RORA: variants seen among roughly 807,000 people sequenced by gnomAD.
RORA encodes the protein nuclear receptor ROR-alpha.
In RORA, 7 loss-of-function variants were observed where a neutral mutation model predicts 69.5. The observed-to-expected ratio is 0.10, with a 90% CI of 0.06 to 0.19. The LOEUF is 0.19. RORA is among the 10% of genes least tolerant of loss of function. The pLI, the probability that RORA is intolerant of heterozygous loss-of-function variation, is 1.00. For synonymous variants in RORA, 261 were observed against 240.8 expected, an observed-to-expected ratio of 1.08 and a Z score of -0.78; for missense variants, 457 against 663.0, an observed-to-expected ratio of 0.69 and a Z score of 3.41.
intron 1 of RORA, among the ~76,000 whole-genome samples, chr15:60,980,203 A>G (rs2140359602): frequency 6.6e-6 from 1 of 152,308 alleles, no homozygotes; most frequent in South Asian, 2.1e-4. Flanking sequence ...CATATGTTGA[A>G]CAAACTTTGC....
intron 2 of RORA, chr15:60,592,678 GCGCCC>G (rs1398962248): frequency 2.8e-6 from 3 of 1,072,100 alleles, no homozygotes; most frequent in Non-Finnish European, 3.4e-6. Context: ...CCCCAGCGCC[GCGCCC>G]CGCCCCGCCC....
At chr15:60,871,692 A>C (rs551300583) in intron 1 of RORA, among the ~76,000 whole-genome samples, 24 of 152,360 alleles carry the variant, frequency 1.6e-4, no homozygotes, top group Non-Finnish European at 2.9e-5. Flanking sequence ...CAGTCTAGCC[A>C]GTTCAAAGCC....
At chr15:60,862,048 C>T (rs1247803573) in intron 1 of RORA, among the ~76,000 whole-genome samples, 1 of 152,204 alleles carries the variant, frequency 6.6e-6, no homozygotes, top group Middle Eastern at 3.2e-3. Flanking sequence ...ATGGCTCCTG[C>T]CCATGAATAT....
At chr15:60,938,731 T>A (rs1170184052) in intron 1 of RORA, among the ~76,000 whole-genome samples, 1 of 74,708 alleles carries the variant, frequency 1.3e-5, no homozygotes, top group African/African-American at 7.2e-5. Flanking sequence ...TGAGACCTCA[T>A]CTAAAAAAAA....
intron 1 of RORA, among the ~76,000 whole-genome samples, chr15:60,886,074 C>G (rs556368767): frequency 6.6e-6 from 1 of 152,266 alleles, no homozygotes; most frequent in Admixed American, 6.5e-5. Context: ...AGACCTTCAG[C>G]AAATAGAGGG....
chr15:61,179,619 G>C (rs2079663335), intron 1 of RORA, among the ~76,000 whole-genome samples: 1 of 151,954 alleles, frequency 6.6e-6, no homozygotes, highest in South Asian at 2.1e-4. Flanking sequence ...GAGTATAAAG[G>C]GGTCACGAGA....
intron 1 of RORA, among the ~76,000 whole-genome samples, chr15:60,689,938 G>A (rs973137199): frequency 1.3e-5 from 2 of 152,156 alleles, no homozygotes; most frequent in Non-Finnish European, 2.9e-5. Flanking sequence ...ATCCAGAACT[G>A]TGAGAGAACA....
At chr15:61,114,831 C>A (rs1347357404) in intron 1 of RORA, among the ~76,000 whole-genome samples, 1 of 152,210 alleles carries the variant, frequency 6.6e-6, no homozygotes, top group East Asian at 1.9e-4. Context: ...GTCAGGACAA[C>A]CCCCAGGGCC....
chr15:60,748,769 A>G (rs1379350797), intron 1 of RORA, among the ~76,000 whole-genome samples: 3 of 152,168 alleles, frequency 2.0e-5, no homozygotes, highest in Admixed American at 6.6e-5. Context: ...CATGGCATTG[A>G]TAACGGGAAG....
At chr15:60,840,322 A>T (rs1280466780) in intron 1 of RORA, among the ~76,000 whole-genome samples, 1 of 152,242 alleles carries the variant, frequency 6.6e-6, no homozygotes, top group Non-Finnish European at 1.5e-5. Context: ...CCTGCCCCAG[A>T]GGGCTCTGAC....
intron 2 of RORA, among the ~76,000 whole-genome samples, chr15:60,657,406 A>G (rs748475224): frequency 1.2e-4 from 19 of 152,136 alleles, no homozygotes; most frequent in Non-Finnish European, 2.4e-4. Flanking sequence ...GCTCTGGACA[A>G]TGGGACAAAC....
At chr15:60,627,538 A>G (rs2069623862) in intron 2 of RORA, 1 of 1,411,910 alleles carries the variant, frequency 7.1e-7, no homozygotes, top group South Asian at 1.7e-5. Context: ...ATCTGCTGCC[A>G]TGGGCAGTGG....
intron 1 of RORA, among the ~76,000 whole-genome samples, chr15:60,866,571 CTG>C (rs1401584815): frequency 2.0e-5 from 3 of 152,166 alleles, no homozygotes; most frequent in African/African-American, 7.2e-5. Flanking sequence ...GAGGAACAAA[CTG>C]TGTGATTGGG....
chr15:60,697,582 A>G (rs1218085570), intron 1 of RORA, among the ~76,000 whole-genome samples: 1 of 151,266 alleles, frequency 6.6e-6, no homozygotes, highest in Non-Finnish European at 1.5e-5. Flanking sequence ...TTTTTTTCCA[A>G]ACACTGGAAA....
At chr15:60,656,778 A>G (rs2140708792) in intron 2 of RORA, among the ~76,000 whole-genome samples, 1 of 152,322 alleles carries the variant, frequency 6.6e-6, no homozygotes, top group South Asian at 2.1e-4. Flanking sequence ...TTAAAAAGGA[A>G]GGAAAAGTAA....
intron 1 of RORA, among the ~76,000 whole-genome samples, chr15:61,170,692 G>C (rs1218965776): frequency 1.3e-5 from 2 of 152,198 alleles, no homozygotes; most frequent in African/African-American, 2.4e-5. Context: ...CACATTGTAA[G>C]TGCTCCAAAT....
intron 1 of RORA, among the ~76,000 whole-genome samples, chr15:61,208,420 C>T (rs1367766000): frequency 6.6e-6 from 1 of 152,134 alleles, no homozygotes; most frequent in African/African-American, 2.4e-5. Context: ...GGAGTAACAG[C>T]AAACGGGCAT....
intron 1 of RORA, among the ~76,000 whole-genome samples, chr15:60,958,423 T>G (rs1893329695): frequency 2.0e-5 from 3 of 151,916 alleles, no homozygotes; most frequent in Admixed American, 2.0e-4. Context: ...TGCCTAGAGG[T>G]GGAGAGGAAA....
chr15:60,678,913 A>G (rs922369664), intron 1 of RORA, among the ~76,000 whole-genome samples: 1 of 152,200 alleles, frequency 6.6e-6, no homozygotes, highest in Non-Finnish European at 1.5e-5. Flanking sequence ...GTTCTGTGGT[A>G]AAAGTGGGGA....
Sources: gnomAD v4.1 joint callset for allele counts (sites outside exome capture counted in the v4.1 genomes callset) on GRCh38, gnomAD v4.1.1 for gene constraint, MANE v1.5 for transcripts, NCBI Gene and HGNC (gene_info 2026-07-23, HGNC 2026-07-21) for gene names.